RSL24D1: variants seen among roughly 807,000 people sequenced by gnomAD.
RSL24D1 encodes probable ribosome biogenesis protein RLP24.
RSL24D1 carries 6 observed loss-of-function variants against 26.2 expected under a neutral mutation model. That is an observed-to-expected ratio of 0.23 (90% CI 0.13 to 0.45). RSL24D1 has a LOEUF of 0.45. Among genes scored for constraint, RSL24D1 ranks in the 20% least tolerant of loss-of-function variants. RSL24D1 has a pLI of 0.99. For synonymous variants in RSL24D1, 61 were observed against 59.1 expected (o/e 1.03, Z -0.15); for missense variants, 176 against 202.6 (o/e 0.87, Z 0.80).
At position 55,196,903 on chromosome 15, in the gene RSL24D1, T is replaced by A. The variant is rs376364267; in HGVS notation, c.-13A>T. ...TTTCGATACGCATGTTGAACCCGCG[T>A]GTAACCCCACCAAACAAACGCCAAG... On this transcript the variant is annotated 5_prime_UTR_variant, in exon 1 of 6. Coordinates refer to ENST00000260443, the MANE Select transcript of RSL24D1 (RefSeq NM_016304.3). The A allele has an allele frequency of 4.3e-6, 7 of 1,613,646 alleles. No individual in the cohort carries two copies. In the Admixed American group the frequency reaches 5.0e-5, roughly 12 times the overall value.
intron 4 of RSL24D1, among the ~76,000 whole-genome samples, chr15:55,183,740 C>A (rs1894194850): frequency 6.6e-6 from 1 of 152,146 alleles, no homozygotes; most frequent in African/African-American, 2.4e-5. Context: ...ACATTTTCTT[C>A]TCTAACAACT....
At chr15:55,196,731 G>A (rs917864172) in intron 1 of RSL24D1, 79 bp downstream of exon 1, 20 of 1,390,354 alleles carry the variant, frequency 1.4e-5, no homozygotes, top group African/African-American at 5.7e-5. Context: ...GGCAGACGCA[G>A]AAGCACCCAG....
chr15:55,196,599 C>G (rs1160780687), intron 1 of RSL24D1: 5 of 597,502 alleles, frequency 8.4e-6, no homozygotes, highest in African/African-American at 1.9e-5. Context: ...CCAAGGGTGG[C>G]GTGGTGGCCA....
intron 5 of RSL24D1, among the ~76,000 whole-genome samples, chr15:55,182,947 T>C (rs1894185492): frequency 6.6e-6 from 1 of 152,204 alleles, no homozygotes; most frequent in South Asian, 2.1e-4. Context: ...CCTGGGCCTA[T>C]GTATTTATAC....
At chr15:55,189,956 G>T (rs752168514) in intron 3 of RSL24D1, among the ~76,000 whole-genome samples, 3 of 152,158 alleles carry the variant, frequency 2.0e-5, no homozygotes, top group East Asian at 1.9e-4. Flanking sequence ...AGAAAAGAAG[G>T]CCGGGCCGGT....
At chr15:55,193,384 C>A (rs1894320506) in intron 1 of RSL24D1, among the ~76,000 whole-genome samples, 1 of 152,200 alleles carries the variant, frequency 6.6e-6, no homozygotes, top group Non-Finnish European at 1.5e-5. Context: ...ATAGTGCTAA[C>A]TTACAACTGA....
In RSL24D1 at chr15:55,192,711, C is replaced by A. The variant is rs368427632; in HGVS notation, c.195+9G>T. Reference sequence around the variant, plus strand: ...TGTAAAAACTATATTGATAGCTAACCGTACTCACCACTGTAAGCTCTTTAC... The same window carrying A: ...TGTAAAAACTATATTGATAGCTAACAGTACTCACCACTGTAAGCTCTTTAC... On this transcript the variant is annotated intron_variant, in intron 2 of 5. Coordinates refer to ENST00000260443, the MANE Select transcript of RSL24D1 (RefSeq NM_016304.3). 1.3e-6 allele frequency: 2 copies of A among 1,579,204 alleles called. No individual in the cohort carries two copies. The highest frequency in any genetic ancestry group is 4.5e-5 in the East Asian group (2 of 44,698).
At chr15:55,195,582 G>A (rs1477575378) in intron 1 of RSL24D1, 1 of 152,090 alleles carries the variant, frequency 6.6e-6, no homozygotes, top group Non-Finnish European at 1.5e-5. Flanking sequence ...ATATCCAGCC[G>A]ACAAGCATCC....
Position 55,182,162 on chromosome 15 carries a change from T to A in RSL24D1, c.482A>T (p.Asp161Val), listed in dbSNP as rs369049485. 9 of 1,600,218 alleles carry A rather than the reference T, an allele frequency of 5.6e-6. No homozygotes were observed. Among genetic ancestry groups the A allele is most frequent in the Non-Finnish European group, 6.8e-6 (8 of 1,168,174 alleles). Residue 161 changes from aspartate (D) to valine (V), a missense_variant, in exon 6 of 6, where the codon GAT becomes GTT. Asp to Val is a radical substitution (Grantham distance 152). This residue lies in a region of RSL24D1 where 43 missense variants were observed against 38.7 expected (regional missense o/e 1.11). Transcript: ENST00000260443. Reference sequence around the variant, plus strand: ...TGGTTACAGAGATTTTTAAGGAGCATCTTCCATGTCCACATCCTCTTGTAA... The same window carrying A: ...TGGTTACAGAGATTTTTAAGGAGCAACTTCCATGTCCACATCCTCTTGTAA... Reference protein sequence around the residue: ...QQLQEDVDMEDAP With the variant: ...QQLQEDVDMEVAP
intron 3 of RSL24D1, among the ~76,000 whole-genome samples, chr15:55,188,492 C>T (rs1027149111): frequency 4.6e-5 from 7 of 152,152 alleles, no homozygotes; most frequent in African/African-American, 1.7e-4. Flanking sequence ...TAAAACCTAA[C>T]AGAAACAATA....
At chr15:55,187,082 G>T (rs988244957) in intron 3 of RSL24D1, among the ~76,000 whole-genome samples, 30 of 152,140 alleles carry the variant, frequency 2.0e-4, no homozygotes, top group Admixed American at 1.8e-3. Context: ...TTGGGAGCTT[G>T]TTAGAAATGA....
In RSL24D1 at chr15:55,181,132, G is replaced by A. The variant is rs1309056800; in HGVS notation, c.*1020C>T. On this transcript the variant is annotated 3_prime_UTR_variant, in exon 6 of 6. Coordinates refer to ENST00000260443, the MANE Select transcript of RSL24D1 (RefSeq NM_016304.3). ...TTATGCAAACTGATCGTTACTTAAT[G>A]TATTTAACATACTTAAAACTGTAAA... 1.3e-5 allele frequency: 2 copies of A among 152,060 alleles called. No homozygotes were observed. The highest frequency in any genetic ancestry group is 2.9e-5 in the Non-Finnish European group (2 of 68,008). 9.4% of individuals were successfully genotyped at this position (152,060 alleles called of 1,614,324 possible). A position where few individuals can be genotyped will look rare whatever the true frequency, so the allele number is the denominator to read the frequency against.
rs11540373 is a variant in RSL24D1, at chr15:55,182,108, A to G, written c.*44T>C. On this transcript the variant is annotated 3_prime_UTR_variant, in exon 6 of 6. Transcript: ENST00000260443. ...TAATTTAGCAGTTCCAAGTATCCAA[A>G]GGGCATTTTCAAATGTACATAAAAG... 8.4e-7 allele frequency: 1 copy of G among 1,184,822 alleles called. No homozygotes were observed. The highest frequency in any genetic ancestry group is 1.8e-5 in the Admixed American group (1 of 55,170). The allele number at this position is 1,184,822 out of a possible 1,614,324, so 73.4% of individuals were successfully genotyped here.
At chr15:55,196,624 A>G in intron 1 of RSL24D1, 186 bp downstream of exon 1, 1 of 614,418 alleles carries the variant, frequency 1.6e-6, no homozygotes, top group South Asian at 1.9e-5. Flanking sequence ...CGCTCGGAAG[A>G]CGGGCAAGGA....
At chr15:55,191,653 T>C (rs907978329) in intron 2 of RSL24D1, among the ~76,000 whole-genome samples, 4 of 152,214 alleles carry the variant, frequency 2.6e-5, no homozygotes, top group African/African-American at 9.7e-5. Flanking sequence ...GTGGCTGGTA[T>C]TTTTACAGTT....
chr15:55,192,562 C>G, intron 2 of RSL24D1, 158 bp downstream of exon 2: 1 of 499,828 alleles, frequency 2.0e-6, no homozygotes, highest in South Asian at 3.9e-5. Flanking sequence ...TTTTAAGGAT[C>G]ATGTGAGAAT....
chr15:55,190,355 A>G (rs61023306), intron 3 of RSL24D1, among the ~76,000 whole-genome samples: 6,812 of 151,718 alleles, frequency 0.045, 522 homozygotes, highest in African/African-American at 0.16. Context: ...TCTACATATG[A>G]GACTTTTTTC....
At chr15:55,183,001 G>C (rs933873019) in intron 5 of RSL24D1, among the ~76,000 whole-genome samples, 1 of 152,048 alleles carries the variant, frequency 6.6e-6, no homozygotes. Flanking sequence ...CAAAGTTTGA[G>C]AACCACTAAT....
chr15:55,196,709 C>A, intron 1 of RSL24D1, 101 bp downstream of exon 1: 1 of 1,137,736 alleles, frequency 8.8e-7, no homozygotes, highest in East Asian at 2.4e-5. Flanking sequence ...GGGAGGAACC[C>A]GGGCCAAACA....
Sources: gnomAD v4.1 joint callset for allele counts (sites outside exome capture counted in the v4.1 genomes callset) on GRCh38, gnomAD v4.1.1 for gene constraint, gnomAD v4.1.1 regional missense constraint, MANE v1.5 for transcripts, NCBI Gene and HGNC (gene_info 2026-07-23, HGNC 2026-07-21) for gene names.